CDH12: variants seen among roughly 807,000 people sequenced by gnomAD.
The protein encoded by CDH12 is cadherin 12.
A neutral mutation model predicts 74.1 loss-of-function variants in CDH12; 41 were observed. The observed-to-expected ratio is 0.55, with a 90% CI of 0.43 to 0.72. The LOEUF (loss-of-function observed/expected upper bound fraction) is 0.72. CDH12 is among the 30% of genes least tolerant of loss of function. The pLI, the probability that CDH12 is intolerant of heterozygous loss-of-function variation, is 0.00. For synonymous variants in CDH12, 399 were observed against 355.0 expected (o/e 1.12, Z -1.39); for missense variants, 945 against 977.2 (o/e 0.97, Z 0.44).
intron 4 of CDH12, among the ~76,000 whole-genome samples, chr5:22,116,328 T>C (rs1171105005): frequency 6.6e-6 from 1 of 152,198 alleles, no homozygotes; most frequent in Non-Finnish European, 1.5e-5. Flanking sequence ...TGAATTTACC[T>C]GAATTCTTCC....
At chr5:22,311,736 C>A (rs1036917401) in intron 3 of CDH12, among the ~76,000 whole-genome samples, 1 of 149,290 alleles carries the variant, frequency 6.7e-6, no homozygotes, top group Non-Finnish European at 1.5e-5. Context: ...TGCCTCTGGG[C>A]ATGGGTACAT....
chr5:22,752,778 T>G (rs1285209198), intron 1 of CDH12, among the ~76,000 whole-genome samples: 1 of 151,062 alleles, frequency 6.6e-6, no homozygotes, highest in African/African-American at 2.4e-5. Context: ...TTTCACCGTT[T>G]TTAGCCGGGA....
At chr5:22,697,574 A>AAG (rs1389474377) in intron 1 of CDH12, among the ~76,000 whole-genome samples, 1 of 150,254 alleles carries the variant, frequency 6.7e-6, no homozygotes, top group Non-Finnish European at 1.5e-5. Context: ...TCTGTCTCAA[A>AAG]AAAAAAAAAA....
rs932306061 is a variant in CDH12 at position 21,966,477 on chromosome 5, C to T, written c.526+8614G>A. Among the ~76,000 whole-genome samples the T allele has an allele frequency of 1.5e-4, 23 of 152,092 alleles. 1 individual carries two copies. Among genetic ancestry groups the T allele is most frequent in the Non-Finnish European group, 2.5e-4 (17 of 68,018 alleles). On this transcript the variant is annotated intron_variant, in intron 6 of 14. Transcript: ENST00000382254. ...TTAGCTCACAGAGTTTAGCTTGCTG[C>T]CCCTGCAGGAGGCCTTTGGAGTAAA...
chr5:22,405,319 A>G lies in CDH12; in HGVS notation c.-395T>C. On this transcript the variant is annotated 5_prime_UTR_variant, in exon 3 of 15. Transcript: ENST00000382254. ...TATCTCAAATTGTTTTGACCTCCAC[A>G]GTAACTTGATTCTATAGCACTGGAC... The G allele has an allele frequency of 1.0e-6, 1 of 982,090 alleles. No individual in the cohort carries two copies. The highest frequency in any genetic ancestry group is 1.2e-6 in the Non-Finnish European group (1 of 826,840). 60.8% of individuals were successfully genotyped at this position (982,090 alleles called of 1,614,324 possible).
intron 6 of CDH12, among the ~76,000 whole-genome samples, chr5:21,914,170 G>C (rs1753986082): frequency 1.3e-5 from 2 of 152,160 alleles, no homozygotes; most frequent in South Asian, 4.1e-4. Context: ...CACACTGAAA[G>C]GGGCTTTTGA....
intron 1 of CDH12, among the ~76,000 whole-genome samples, chr5:22,574,226 C>T (rs549953408): frequency 1.1e-4 from 17 of 151,680 alleles, no homozygotes; most frequent in East Asian, 5.9e-4. Flanking sequence ...ATTACAGGTA[C>T]GCACCACCAC....
intron 4 of CDH12, among the ~76,000 whole-genome samples, chr5:22,202,531 A>G (rs1750984834): frequency 1.3e-5 from 2 of 152,158 alleles, no homozygotes; most frequent in Non-Finnish European, 2.9e-5. Flanking sequence ...TTCTCCTTCT[A>G]AGAATGTCAG....
At chr5:22,108,916 A>G (rs1249022661) in intron 4 of CDH12, among the ~76,000 whole-genome samples, 5 of 152,234 alleles carry the variant, frequency 3.3e-5, no homozygotes, top group Non-Finnish European at 7.3e-5. Context: ...ACTTTAAAAA[A>G]TATAAAAATA....
intron 4 of CDH12, among the ~76,000 whole-genome samples, chr5:22,117,528 A>AT (rs1745245513): frequency 9.7e-6 from 1 of 103,188 alleles, no homozygotes; most frequent in Admixed American, 1.3e-4. Flanking sequence ...TATATAATAT[A>AT]TATATATATA....
intron 3 of CDH12, among the ~76,000 whole-genome samples, chr5:22,350,818 T>A (rs966743435): frequency 6.6e-6 from 1 of 152,182 alleles, no homozygotes; most frequent in Non-Finnish European, 1.5e-5. Flanking sequence ...TTTATTATTA[T>A]CGAATAAGCA....
At chr5:22,159,184 A>C (rs954856968) in intron 4 of CDH12, among the ~76,000 whole-genome samples, 7 of 152,126 alleles carry the variant, frequency 4.6e-5, no homozygotes, top group African/African-American at 1.7e-4. Context: ...CTATCAATGC[A>C]CACCACTCAA....
At chr5:22,427,554 T>C (rs1743992297) in intron 2 of CDH12, among the ~76,000 whole-genome samples, 2 of 152,342 alleles carry the variant, frequency 1.3e-5, no homozygotes, top group South Asian at 2.1e-4. Context: ...GCTTTCCTTT[T>C]TCTTTGTCTT....
chr5:22,609,037 T>C (rs1232811919), intron 1 of CDH12, among the ~76,000 whole-genome samples: 1 of 152,144 alleles, frequency 6.6e-6, no homozygotes, highest in African/African-American at 2.4e-5. Context: ...TTCCAAATCC[T>C]GAAGGAACCA....
At chr5:22,485,839 C>T (rs1162864992) in intron 2 of CDH12, among the ~76,000 whole-genome samples, 3 of 152,166 alleles carry the variant, frequency 2.0e-5, no homozygotes, top group Non-Finnish European at 4.4e-5. Flanking sequence ...TTTCCATTTT[C>T]TTGATTTACT....
chr5:21,912,300 T>C (rs899498216), intron 6 of CDH12, among the ~76,000 whole-genome samples: 5 of 152,066 alleles, frequency 3.3e-5, no homozygotes, highest in African/African-American at 1.2e-4. Flanking sequence ...ACTGGAAAAT[T>C]GTTAAGCAAC....
chr5:22,497,613 C>T (rs1747151211), intron 2 of CDH12, among the ~76,000 whole-genome samples: 1 of 148,146 alleles, frequency 6.8e-6, no homozygotes, highest in Non-Finnish European at 1.5e-5. Context: ...CCAATGCCCT[C>T]AAGGCCCCAC....
At chr5:22,732,463 T>TACACACAC (rs1158995154) in intron 1 of CDH12, among the ~76,000 whole-genome samples, 1 of 98,242 alleles carries the variant, frequency 1.0e-5, no homozygotes, top group African/African-American at 4.5e-5. Context: ...TGTGTATATA[T>TACACACAC]ATATATATAC....
chr5:21,905,766 G>C (rs1271334659), intron 6 of CDH12, among the ~76,000 whole-genome samples: 1 of 152,050 alleles, frequency 6.6e-6, no homozygotes, highest in African/African-American at 2.4e-5. Context: ...AGTATCTATT[G>C]TTGCTCTTTT....
Sources: gnomAD v4.1 joint callset for allele counts (sites outside exome capture counted in the v4.1 genomes callset) on GRCh38, gnomAD v4.1.1 for gene constraint, MANE v1.5 for transcripts, NCBI Gene and HGNC (gene_info 2026-07-23, HGNC 2026-07-21) for gene names.